Variants in HECW2 observed in about 807,000 individuals in gnomAD.
HECW2 encodes HECT, C2 and WW domain containing E3 ubiquitin protein ligase 2.
A neutral mutation model predicts 175.2 loss-of-function variants in HECW2; 61 were observed. That is an observed-to-expected ratio of 0.35 (90% CI 0.28 to 0.43). The LOEUF is 0.43. HECW2 is among the 20% of genes least tolerant of loss of function. The pLI, the probability that HECW2 is intolerant of heterozygous loss-of-function variation, is 1.00. For synonymous variants in HECW2, 671 were observed against 731.0 expected (o/e 0.92, Z 1.32); for missense variants, 1,524 against 2,000.5 (o/e 0.76, Z 4.54).
intron 2 of HECW2, among the ~76,000 whole-genome samples, chr2:196,397,582 G>A (rs748818846): frequency 2.7e-4 from 41 of 152,128 alleles, no homozygotes; most frequent in Admixed American, 3.9e-4. Flanking sequence ...TAACAGCTTC[G>A]CTGGCTCTCT....
chr2:196,375,120 C>T (rs1223066424), intron 2 of HECW2, among the ~76,000 whole-genome samples: 1 of 149,932 alleles, frequency 6.7e-6, no homozygotes, highest in Non-Finnish European at 1.5e-5. Context: ...GATCATGCCA[C>T]TGCACTCTAG....
At chr2:196,506,694 T>C (rs1471001915) in intron 1 of HECW2, among the ~76,000 whole-genome samples, 1 of 151,904 alleles carries the variant, frequency 6.6e-6, no homozygotes, top group Non-Finnish European at 1.5e-5. Flanking sequence ...GGCTACAAAG[T>C]AGCCAAAAAT....
At chr2:196,202,672 A>G (rs1202044319) in intron 28 of HECW2, among the ~76,000 whole-genome samples, 3 of 152,220 alleles carry the variant, frequency 2.0e-5, no homozygotes, top group African/African-American at 4.8e-5. Flanking sequence ...ACAAATAGTA[A>G]TGACCCATGA....
chr2:196,586,073 G>A (rs1257068473), intron 1 of HECW2, among the ~76,000 whole-genome samples: 2 of 152,014 alleles, frequency 1.3e-5, no homozygotes, highest in East Asian at 1.9e-4. Context: ...AACTTACTGG[G>A]TCTAAGTTCT....
chr2:196,240,353 A>G lies in HECW2; in HGVS notation c.3764+96T>C. On this transcript the variant is annotated intron_variant, in intron 21 of 28. Transcript: ENST00000644978. ...TATGAGAACAGCACTTCCTGGCAGA[A>G]GGATTTCCTGTTTCAGGCAACCACA... 3.6e-6 allele frequency: 3 copies of G among 844,270 alleles called. No homozygotes were observed. The South Asian group carries it at 6.2e-5, about 17-fold the overall frequency. 52.3% of individuals were successfully genotyped at this position (844,270 alleles called of 1,614,324 possible). A position where few individuals can be genotyped will look rare whatever the true frequency, so the allele number is the denominator to read the frequency against.
chr2:196,474,519 G>T (rs534909113), intron 1 of HECW2, among the ~76,000 whole-genome samples: 9 of 152,122 alleles, frequency 5.9e-5, no homozygotes, highest in African/African-American at 9.7e-5. Context: ...CCTTCTCAAA[G>T]AATTCTTCAC....
intron 8 of HECW2, 116 bp downstream of exon 8, chr2:196,320,223 T>C: frequency 1.4e-6 from 1 of 705,290 alleles, no homozygotes. Context: ...GACAGCTATT[T>C]TACTTTCAAA....
intron 1 of HECW2, among the ~76,000 whole-genome samples, chr2:196,494,729 A>T (rs1051634177): frequency 5.9e-5 from 9 of 152,236 alleles, no homozygotes; most frequent in South Asian, 2.1e-4. Context: ...CATTTTCTTC[A>T]TGTATAACTC....
chr2:196,343,468 T>C (rs1355122875), intron 3 of HECW2, among the ~76,000 whole-genome samples, 189 bp downstream of exon 3: 5 of 152,200 alleles, frequency 3.3e-5, no homozygotes. Context: ...TTTAAACACA[T>C]ACAGTTTTTT....
intron 2 of HECW2, among the ~76,000 whole-genome samples, chr2:196,345,644 A>T (rs1374319534): frequency 6.6e-6 from 1 of 152,184 alleles, no homozygotes; most frequent in African/African-American, 2.4e-5. Context: ...TAGGAAAAAA[A>T]AATCCCATTT....
intron 1 of HECW2, among the ~76,000 whole-genome samples, chr2:196,459,654 CT>C (rs901846420): frequency 1.8e-4 from 27 of 152,158 alleles, no homozygotes; most frequent in Non-Finnish European, 5.9e-5. Context: ...CACTCCACCC[CT>C]GATGTCAATC....
intron 1 of HECW2, among the ~76,000 whole-genome samples, chr2:196,556,317 T>A (rs1483480224): frequency 6.6e-6 from 1 of 152,176 alleles, no homozygotes; most frequent in Non-Finnish European, 1.5e-5. Flanking sequence ...ATATGTAAGA[T>A]CTATTCTCGT....
At chr2:196,439,145 T>G (rs571431469) in intron 1 of HECW2, among the ~76,000 whole-genome samples, 10 of 152,316 alleles carry the variant, frequency 6.6e-5, no homozygotes, top group Admixed American at 5.2e-4. Context: ...CAAGGTTGTT[T>G]TAAGGATTGA....
intron 23 of HECW2, among the ~76,000 whole-genome samples, chr2:196,224,123 A>G (rs1311674050): frequency 6.6e-6 from 1 of 152,118 alleles, no homozygotes; most frequent in Admixed American, 6.6e-5. Context: ...GAAGAGTAGA[A>G]CATGTACCGT....
At chr2:196,466,444 C>A (rs968037672) in intron 1 of HECW2, among the ~76,000 whole-genome samples, 1 of 152,204 alleles carries the variant, frequency 6.6e-6, no homozygotes, top group African/African-American at 2.4e-5. Flanking sequence ...TTACCTTTTA[C>A]ATTAAGAAAT....
intron 2 of HECW2, among the ~76,000 whole-genome samples, chr2:196,381,236 C>T (rs970746040): frequency 3.9e-5 from 6 of 152,134 alleles, no homozygotes; most frequent in Non-Finnish European, 5.9e-5. Flanking sequence ...ATGGTTCTCA[C>T]GTCACTGAGT....
intron 13 of HECW2, among the ~76,000 whole-genome samples, chr2:196,302,977 T>A (rs771840306): frequency 6.6e-6 from 1 of 152,236 alleles, no homozygotes; most frequent in African/African-American, 2.4e-5. Flanking sequence ...GCAGAGAGCA[T>A]CCTTGCCTTG....
chr2:196,210,264 ATGTG>A lies in HECW2; in HGVS notation c.4607+5597_4607+5600del, dbSNP rs768741649. Among the ~76,000 whole-genome samples the A allele has an allele frequency of 7.9e-5, 11 of 139,272 alleles. No homozygotes were observed. The East Asian group carries it at 1.7e-3, about 21-fold the overall frequency. The allele number at this position is 139,272 out of a possible 152,430, so 91.4% of individuals were successfully genotyped here. ...GTGATAAACGGAATGTTGTTTTAAAATGTGTGTGTGTGTGTATGTGTGTGTCTGT... is the reference window on the plus strand; with the variant it reads ...GTGATAAACGGAATGTTGTTTTAAAATGTGTGTGTGTATGTGTGTGTCTGT... On this transcript the variant is annotated intron_variant, in intron 28 of 28. Coordinates refer to ENST00000644978, the MANE Select transcript of HECW2 (RefSeq NM_001348768.2).
chr2:196,196,617 C>T lies in HECW2; in HGVS notation c.*4660G>A, dbSNP rs950391791. 6.6e-6 allele frequency: 1 copy of T among 152,326 alleles called. No homozygotes were observed. Among genetic ancestry groups the T allele is most frequent in the African/African-American group, 2.4e-5 (1 of 41,376 alleles). The allele number at this position is 152,326 out of a possible 1,614,324, so 9.4% of individuals were successfully genotyped here. ...TTCAAGACCAGCCTGGGCAACGTGG[C>T]AAAACCCTGTGTCTACAAAAAATAT... On this transcript the variant is annotated 3_prime_UTR_variant, in exon 29 of 29. Coordinates refer to ENST00000644978, the MANE Select transcript of HECW2 (RefSeq NM_001348768.2).
Sources: gnomAD v4.1 joint callset for allele counts (sites outside exome capture counted in the v4.1 genomes callset) on GRCh38, gnomAD v4.1.1 for gene constraint, MANE v1.5 for transcripts, NCBI Gene and HGNC (gene_info 2026-07-23, HGNC 2026-07-21) for gene names.